TXLNB: variants seen among roughly 807,000 people sequenced by gnomAD.
The protein encoded by TXLNB is beta-taxilin.
TXLNB carries 37 observed loss-of-function variants against 57.4 expected under a neutral mutation model. The ratio of observed to expected loss-of-function variants is 0.64; its 90% CI spans 0.50 to 0.85. The LOEUF is 0.85. Ranked by LOEUF, TXLNB falls within the 40% of genes least tolerant of loss-of-function variation. TXLNB has a pLI of 0.00. For missense variants in TXLNB, 848 were observed against 825.6 expected (o/e 1.03, Z -0.33); for synonymous variants, 302 against 309.6 (o/e 0.98, Z 0.26).
At chr6:139,321,290 T>C in the TXLNB span, among the ~76,000 whole-genome samples, 241 of 152,286 alleles carry the variant, frequency 1.6e-3, 1 homozygote, top group African/African-American at 5.2e-3. Flanking sequence ...AGAGCCTTCA[T>C]GAATGGGATT....
chr6:139,264,548 G>GTT (rs112376389), intron 4 of TXLNB, among the ~76,000 whole-genome samples: 2,617 of 151,004 alleles, frequency 0.017, 68 homozygotes, highest in African/African-American at 0.058. Context: ...TATATTTTTT[G>GTT]TTTTGTTTTG....
At chr6:139,217,241 T>G in the TXLNB span, among the ~76,000 whole-genome samples, 1 of 152,132 alleles carries the variant, frequency 6.6e-6, no homozygotes, top group Admixed American at 6.6e-5. Flanking sequence ...CATTTAGTAC[T>G]TGAAAACCTC....
chr6:139,291,209 T>A (rs116178617), intron 1 of TXLNB, among the ~76,000 whole-genome samples: 33 of 152,276 alleles, frequency 2.2e-4, no homozygotes, highest in African/African-American at 7.2e-4. Context: ...GTCATGCCGT[T>A]TAGCACTTCA....
At chr6:139,281,478 C>T (rs1479048977) in intron 2 of TXLNB, among the ~76,000 whole-genome samples, 3 of 146,180 alleles carry the variant, frequency 2.1e-5, no homozygotes, top group African/African-American at 7.9e-5. Context: ...CTTTCAGTGG[C>T]CTTGTCATAT....
At chr6:139,305,406 A>G in the TXLNB span, among the ~76,000 whole-genome samples, 1 of 152,172 alleles carries the variant, frequency 6.6e-6, no homozygotes, top group Admixed American at 6.5e-5. Flanking sequence ...CACCAGAAAA[A>G]TCGCTATGGA....
In TXLNB at chr6:139,281,237, G is replaced by C. The variant is rs1230903824; in HGVS notation, c.425-4316C>G. 6.6e-5 allele frequency among the ~76,000 whole-genome samples: 10 copies of C among 152,148 alleles called. No homozygotes were observed. In the South Asian group the frequency reaches 8.3e-4, roughly 13 times the overall value. Reference sequence around the variant, plus strand: ...TTTTTAGCTTGATTTAGATAACAATGAAAACAAAAGCAACATTGTTTGGAT... The same window carrying C: ...TTTTTAGCTTGATTTAGATAACAATCAAAACAAAAGCAACATTGTTTGGAT... On this transcript the variant is annotated intron_variant, in intron 2 of 9. Transcript: ENST00000358430.
intron 4 of TXLNB, among the ~76,000 whole-genome samples, chr6:139,270,109 A>C (rs1776719771): frequency 6.6e-6 from 1 of 152,194 alleles, no homozygotes; most frequent in Non-Finnish European, 1.5e-5. Context: ...AAAAGAACTA[A>C]GGCCCACCTT....
the TXLNB span, chr6:139,167,217 A>G: frequency 1.9e-6 from 3 of 1,614,024 alleles, no homozygotes; most frequent in African/African-American, 4.0e-5. Flanking sequence ...GCCCTGTGCC[A>G]CCGGGCGCTC....
At chr6:139,217,487 A>C in the TXLNB span, among the ~76,000 whole-genome samples, 1 of 152,190 alleles carries the variant, frequency 6.6e-6, no homozygotes, top group Non-Finnish European at 1.5e-5. Flanking sequence ...TTCAAAACTA[A>C]AATCATAGTA....
chr6:139,178,495 A>G, the TXLNB span: 3 of 121,178 alleles, frequency 2.5e-5, no homozygotes, highest in African/African-American at 9.6e-5. Flanking sequence ...CATTTGGTTT[A>G]TACTTTTTTT....
At chr6:139,170,345 A>C in the TXLNB span, 1 of 152,206 alleles carries the variant, frequency 6.6e-6, no homozygotes, top group Non-Finnish European at 1.5e-5. Context: ...TCTTAGGATA[A>C]GATGCTTTTA....
chr6:139,186,663 T>C, the TXLNB span, among the ~76,000 whole-genome samples: 1 of 152,336 alleles, frequency 6.6e-6, no homozygotes, highest in Non-Finnish European at 1.5e-5. Flanking sequence ...CAAGGACTCA[T>C]TCATGAATGT....
In TXLNB at chr6:139,288,541, G is replaced by C; in HGVS notation, c.359C>G (p.Pro120Arg). ...ATTGCTGACGGGCTCTTTGACAGTG[G>C]GTGGCTCTCCAGAAGCAACGGGTTC... is the stretch of plus-strand genomic sequence containing the variant. ...GREPVASGEP[P>R]TVKEPVSNKE... The change falls in exon 2 of 10, where the codon CCC (proline) becomes CGC (arginine). Residue 120 changes from proline (P) to arginine (R), a missense_variant. Coordinates refer to ENST00000358430, the MANE Select transcript of TXLNB (RefSeq NM_153235.4). The C allele has an allele frequency of 6.2e-7, 1 of 1,614,148 alleles. No homozygotes were observed. The highest frequency in any genetic ancestry group is 8.5e-7 in the Non-Finnish European group (1 of 1,180,030).
At chr6:139,243,453 T>A in intron 9 of TXLNB, 139 bp from the exon 10 acceptor site, 1 of 831,422 alleles carries the variant, frequency 1.2e-6, no homozygotes, top group Non-Finnish European at 1.8e-6. Context: ...GGCTACAGAG[T>A]AGGGGCTGAA....
the TXLNB span, among the ~76,000 whole-genome samples, chr6:139,215,692 C>T: frequency 6.6e-6 from 1 of 152,124 alleles, no homozygotes; most frequent in Admixed American, 6.5e-5. Flanking sequence ...AACAGGCAAC[C>T]TACAGAATGG....
At chr6:139,203,189 G>A in the TXLNB span, among the ~76,000 whole-genome samples, 1 of 152,114 alleles carries the variant, frequency 6.6e-6, no homozygotes, top group South Asian at 2.1e-4. Flanking sequence ...TGGGGGTGCA[G>A]ATATCTCTTC....
intron 2 of TXLNB, 103 bp downstream of exon 2, chr6:139,288,373 G>A: frequency 1.8e-6 from 2 of 1,105,088 alleles, no homozygotes; most frequent in Non-Finnish European, 2.6e-6. Context: ...GGCTACTACA[G>A]TCATCCAAAT....
chr6:139,192,483 A>C, the TXLNB span, among the ~76,000 whole-genome samples: 1 of 152,200 alleles, frequency 6.6e-6, no homozygotes, highest in African/African-American at 2.4e-5. Context: ...CCTGTTAAGG[A>C]CATAGGTACT....
intron 6 of TXLNB, among the ~76,000 whole-genome samples, chr6:139,259,582 C>T (rs1776428892): frequency 6.6e-6 from 1 of 152,122 alleles, no homozygotes; most frequent in Admixed American, 6.6e-5. Flanking sequence ...AAAGTACGTC[C>T]CCTTCTTTGG....
Sources: gnomAD v4.1 joint callset for allele counts (sites outside exome capture counted in the v4.1 genomes callset) on GRCh38, gnomAD v4.1.1 for gene constraint, MANE v1.5 for transcripts, NCBI Gene and HGNC (gene_info 2026-07-23, HGNC 2026-07-21) for gene names.